The following MAGI2 variants were observed in gnomAD, a reference collection of about 807,000 sequenced individuals.
The protein encoded by MAGI2 is membrane-associated guanylate kinase, WW and PDZ domain-containing protein 2.
Under a neutral mutation model 133.3 loss-of-function variants are expected in MAGI2, and 35 were observed. The ratio of observed to expected loss-of-function variants is 0.26; its 90% confidence interval spans 0.20 to 0.35. MAGI2 has a LOEUF of 0.35. Ranked by LOEUF, MAGI2 falls within the 10% of genes least tolerant of loss-of-function variation. The pLI, the probability that MAGI2 is intolerant of heterozygous loss-of-function variation, is 1.00. For synonymous variants in MAGI2, 729 were observed against 710.6 expected, an observed-to-expected ratio of 1.03 and a Z score of -0.41; for missense variants, 1,636 against 1,863.4, an observed-to-expected ratio of 0.88 and a Z score of 2.25.
intron 1 of MAGI2, among the ~76,000 whole-genome samples, chr7:79,019,459 C>T (rs1218556291): frequency 1.3e-5 from 2 of 152,144 alleles, no homozygotes; most frequent in African/African-American, 4.8e-5. Context: ...CCTGTGGTCT[C>T]CCCAGCCATG....
chr7:78,848,980 A>C (rs187550637), intron 2 of MAGI2, among the ~76,000 whole-genome samples: 1 of 152,226 alleles, frequency 6.6e-6, no homozygotes, highest in East Asian at 1.9e-4. Flanking sequence ...AGCTCATTAA[A>C]TATTTATTGA....
At chr7:78,941,500 TA>T (rs2151680255) in intron 2 of MAGI2, among the ~76,000 whole-genome samples, 2 of 152,186 alleles carry the variant, frequency 1.3e-5, no homozygotes, top group East Asian at 3.9e-4. Flanking sequence ...CAGGCCTGAC[TA>T]ATTTTTGTAT....
intron 1 of MAGI2, among the ~76,000 whole-genome samples, chr7:79,189,208 T>C (rs1827432091): frequency 6.6e-6 from 1 of 151,150 alleles, no homozygotes; most frequent in Non-Finnish European, 1.5e-5. Flanking sequence ...AGAAGCCCTG[T>C]TCTCATAGGG....
chr7:78,738,476 C>T (rs1822082758), intron 2 of MAGI2, among the ~76,000 whole-genome samples: 1 of 152,008 alleles, frequency 6.6e-6, no homozygotes. Flanking sequence ...GGTATTGATG[C>T]CCTTTATTTT....
chr7:79,294,465 A>C (rs2364904), intron 1 of MAGI2, among the ~76,000 whole-genome samples: 150,488 of 152,114 alleles, frequency 0.99, 74,466 homozygotes, highest in Middle Eastern at 1. Flanking sequence ...CTCCTCCCCA[A>C]TGCAAACAGC....
intron 6 of MAGI2, among the ~76,000 whole-genome samples, chr7:78,475,183 C>G (rs971208469): frequency 6.6e-6 from 1 of 151,864 alleles, no homozygotes; most frequent in Non-Finnish European, 1.5e-5. Context: ...GGGAACAACA[C>G]AGTTTTAGTA....
chr7:78,556,737 C>G (rs553814626), intron 3 of MAGI2, among the ~76,000 whole-genome samples: 1 of 152,120 alleles, frequency 6.6e-6, no homozygotes, highest in African/African-American at 2.4e-5. Context: ...AAACACACTC[C>G]CTTCTCTTTC....
rs575565133 is a variant in MAGI2 at position 78,128,838 on chromosome 7, C to T, written c.3204-1422G>A. On this transcript the variant is annotated intron_variant, in intron 18 of 21. Coordinates refer to ENST00000354212, the MANE Select transcript of MAGI2 (RefSeq NM_012301.4). ...ATTCCTTTTATGAGGTGCATAATTT[C>T]GGCCTTGCTTTATACCTCAATTGTC... Among the ~76,000 whole-genome samples, 17 of 152,252 alleles carry T rather than the reference C, an allele frequency of 1.1e-4. No individual in the cohort carries two copies. In the East Asian group the frequency reaches 1.4e-3, roughly 12 times the overall value.
chr7:78,999,550 T>C (rs1050380090), intron 2 of MAGI2, among the ~76,000 whole-genome samples: 3 of 152,182 alleles, frequency 2.0e-5, no homozygotes, highest in Non-Finnish European at 4.4e-5. Context: ...CTTTCACATA[T>C]ATGACATGAA....
intron 1 of MAGI2, among the ~76,000 whole-genome samples, chr7:79,384,807 G>T (rs1844061720): frequency 6.6e-6 from 1 of 151,660 alleles, no homozygotes; most frequent in Non-Finnish European, 1.5e-5. Flanking sequence ...GTAATATGTG[G>T]AATGAAATGT....
At chr7:78,544,697 C>T (rs1227578982) in intron 3 of MAGI2, among the ~76,000 whole-genome samples, 1 of 152,100 alleles carries the variant, frequency 6.6e-6, no homozygotes, top group Non-Finnish European at 1.5e-5. Flanking sequence ...TTCATTTTAA[C>T]AAGACCCTCA....
At chr7:79,443,995 T>C (rs1848669869) in intron 1 of MAGI2, among the ~76,000 whole-genome samples, 1 of 152,076 alleles carries the variant, frequency 6.6e-6, no homozygotes, top group Non-Finnish European at 1.5e-5. Flanking sequence ...CTTCTACAAA[T>C]TTTTTCATTA....
chr7:79,022,484 A>C (rs1443085228), intron 1 of MAGI2, among the ~76,000 whole-genome samples: 1 of 152,066 alleles, frequency 6.6e-6, no homozygotes, highest in Non-Finnish European at 1.5e-5. Context: ...AATAAGAGGA[A>C]ATGAAATCCA....
At chr7:78,438,236 A>G (rs1350476472) in intron 6 of MAGI2, among the ~76,000 whole-genome samples, 1 of 151,672 alleles carries the variant, frequency 6.6e-6, no homozygotes, top group African/African-American at 2.4e-5. Flanking sequence ...TTTTCCTAAA[A>G]GCTTAGTCAT....
chr7:79,332,888 T>C (rs1840186825), intron 1 of MAGI2, among the ~76,000 whole-genome samples: 1 of 152,186 alleles, frequency 6.6e-6, no homozygotes, highest in Admixed American at 6.5e-5. Context: ...GAAGTAAACA[T>C]AGGGATTAAT....
intron 13 of MAGI2, among the ~76,000 whole-genome samples, chr7:78,179,632 C>G (rs1220686583): frequency 6.6e-6 from 1 of 152,136 alleles, no homozygotes; most frequent in African/African-American, 2.4e-5. Flanking sequence ...CCTTTTATGA[C>G]CAAATGCACA....
At chr7:79,448,465 T>C (rs1849013544) in intron 1 of MAGI2, among the ~76,000 whole-genome samples, 1 of 152,144 alleles carries the variant, frequency 6.6e-6, no homozygotes, top group Non-Finnish European at 1.5e-5. Flanking sequence ...TACTAAAATC[T>C]ACATAATGCT....
chr7:78,553,700 C>T (rs529306684), intron 3 of MAGI2, among the ~76,000 whole-genome samples: 3 of 152,180 alleles, frequency 2.0e-5, no homozygotes, highest in East Asian at 1.9e-4. Context: ...GTGACACAAG[C>T]GTTTGTGCAG....
chr7:78,054,729 G>A (rs1257905202), intron 21 of MAGI2, among the ~76,000 whole-genome samples: 2 of 151,552 alleles, frequency 1.3e-5, no homozygotes, highest in Admixed American at 1.3e-4. Context: ...GTGCAATCAC[G>A]GCTCACTGCA....
Sources: allele counts gnomAD v4.1 joint callset (sites outside exome capture counted in the v4.1 genomes callset), GRCh38; gene constraint gnomAD v4.1.1; transcripts MANE v1.5; gene names NCBI Gene and HGNC (gene_info 2026-07-23, HGNC 2026-07-21).